The following APOBEC2 variants were observed in gnomAD, a reference collection of about 807,000 sequenced individuals.
APOBEC2 encodes the protein C->U-editing enzyme APOBEC-2.
A neutral mutation model predicts 19.4 loss-of-function variants in APOBEC2; 14 were observed. The ratio of observed to expected loss-of-function variants is 0.72; its 90% confidence interval spans 0.48 to 1.13. The LOEUF is 1.13. Ranked by LOEUF, APOBEC2 falls within the 50% of genes most tolerant of loss-of-function variation. APOBEC2 has a pLI of 0.00. For missense variants in APOBEC2, 304 were observed against 277.0 expected, an observed-to-expected ratio of 1.10 and a Z score of -0.69; for synonymous variants, 127 against 112.1, an observed-to-expected ratio of 1.13 and a Z score of -0.84.
intron 2 of APOBEC2, among the ~76,000 whole-genome samples, chr6:41,062,893 G>A (rs1674624234): frequency 1.3e-5 from 2 of 152,120 alleles, no homozygotes; most frequent in South Asian, 4.2e-4. Flanking sequence ...CCCTTTGCAA[G>A]GCCCCAGTTA....
intron 2 of APOBEC2, among the ~76,000 whole-genome samples, chr6:41,063,382 AT>A (rs1762903929): frequency 6.6e-6 from 1 of 152,164 alleles, no homozygotes; most frequent in Non-Finnish European, 1.5e-5. Flanking sequence ...TTCCTTGAAG[AT>A]TTTGTTAGTG....
At chr6:41,055,899 T>A (rs984910368) in intron 1 of APOBEC2, among the ~76,000 whole-genome samples, 2 of 152,152 alleles carry the variant, frequency 1.3e-5, no homozygotes, top group Non-Finnish European at 2.9e-5. Context: ...TGGGAGTACT[T>A]ACCTTATGGA....
intron 2 of APOBEC2, among the ~76,000 whole-genome samples, chr6:41,062,511 C>T (rs931651424): frequency 1.3e-5 from 2 of 152,144 alleles, no homozygotes; most frequent in Non-Finnish European, 2.9e-5. Context: ...AAATACAATA[C>T]GGGAACATTT....
In APOBEC2 at chr6:41,061,820, T is replaced by C. The variant is rs1410176247; in HGVS notation, c.624T>C (p.Ile208=). Residue 208 remains isoleucine (I), a synonymous_variant, in exon 2 of 3, where the codon ATT becomes ATC. Coordinates refer to ENST00000244669, the MANE Select transcript of APOBEC2 (RefSeq NM_006789.4). ...ESKAFQPWED[I]QENFLYYEEK... is the part of the protein sequence containing the mutation. ...AGGCCTTTCAGCCCTGGGAGGACAT[T>C]CAGGAGAACTTCCTATACTACGAGG... The C allele has an allele frequency of 1.2e-6, 2 of 1,614,200 alleles. No individual in the cohort carries two copies. Among genetic ancestry groups the C allele is most frequent in the East Asian group, 4.5e-5 (2 of 44,878 alleles).
At chr6:41,063,684 G>C (rs1206869216) in intron 2 of APOBEC2, among the ~76,000 whole-genome samples, 1 of 146,652 alleles carries the variant, frequency 6.8e-6, no homozygotes, top group East Asian at 2.0e-4. Context: ...AAACTGGCAT[G>C]AGATAAGAGT....
intron 1 of APOBEC2, among the ~76,000 whole-genome samples, chr6:41,060,403 T>G (rs1762856192): frequency 6.6e-6 from 1 of 152,218 alleles, no homozygotes; most frequent in South Asian, 2.1e-4. Flanking sequence ...GCCTCCCGAA[T>G]CAAGGCCAAA....
At chr6:41,056,924 G>C (rs1762804274) in intron 1 of APOBEC2, among the ~76,000 whole-genome samples, 1 of 152,084 alleles carries the variant, frequency 6.6e-6, no homozygotes, top group Non-Finnish European at 1.5e-5. Flanking sequence ...CCTGCTTCTG[G>C]ACACAGCACG....
At chr6:41,056,915 C>T (rs996400083) in intron 1 of APOBEC2, among the ~76,000 whole-genome samples, 3 of 152,130 alleles carry the variant, frequency 2.0e-5, no homozygotes, top group African/African-American at 7.2e-5. Context: ...TGGCTCATGC[C>T]TGCTTCTGGA....
At chr6:41,062,108 T>A (rs1762885243) in intron 2 of APOBEC2, among the ~76,000 whole-genome samples, 1 of 152,220 alleles carries the variant, frequency 6.6e-6, no homozygotes, top group Admixed American at 6.5e-5. Flanking sequence ...AAAGTAACTT[T>A]CCCCTAACTT....
chr6:41,059,174 T>G (rs1472867965), intron 1 of APOBEC2, among the ~76,000 whole-genome samples: 1 of 152,236 alleles, frequency 6.6e-6, no homozygotes, highest in Non-Finnish European at 1.5e-5. Flanking sequence ...TACTTTCAGC[T>G]GAGCTATAGG....
chr6:41,062,261 T>C (rs571347362), intron 2 of APOBEC2, among the ~76,000 whole-genome samples: 29 of 152,254 alleles, frequency 1.9e-4, no homozygotes, highest in Non-Finnish European at 3.8e-4. Flanking sequence ...CCTGTGTACA[T>C]GTCAGGGATT....
At chr6:41,062,292 AGATGCC>A (rs1762887293) in intron 2 of APOBEC2, among the ~76,000 whole-genome samples, 1 of 152,240 alleles carries the variant, frequency 6.6e-6, no homozygotes, top group Non-Finnish European at 1.5e-5. Flanking sequence ...GACATCTTCT[AGATGCC>A]TCACTCCCAT....
chr6:41,055,893 A>T (rs1256806452), intron 1 of APOBEC2, among the ~76,000 whole-genome samples: 1 of 152,158 alleles, frequency 6.6e-6, no homozygotes, highest in African/African-American at 2.4e-5. Context: ...CTGTAATGGG[A>T]GTACTTACCT....
At chr6:41,062,265 A>C (rs1344264286) in intron 2 of APOBEC2, among the ~76,000 whole-genome samples, 2 of 152,246 alleles carry the variant, frequency 1.3e-5, no homozygotes. Flanking sequence ...TGTACATGTC[A>C]GGGATTACTA....
intron 1 of APOBEC2, among the ~76,000 whole-genome samples, chr6:41,058,601 G>C (rs967400456): frequency 6.6e-6 from 1 of 152,166 alleles, no homozygotes; most frequent in Admixed American, 6.5e-5. Context: ...GGGCATAATA[G>C]TGTTAATTTA....
chr6:41,056,559 T>C (rs1762798041), intron 1 of APOBEC2, among the ~76,000 whole-genome samples: 1 of 152,236 alleles, frequency 6.6e-6, no homozygotes, highest in South Asian at 2.1e-4. Context: ...CCCAGGACTG[T>C]CTGACTCCAA....
At chr6:41,059,082 G>A (rs1485671892) in intron 1 of APOBEC2, among the ~76,000 whole-genome samples, 1 of 152,142 alleles carries the variant, frequency 6.6e-6, no homozygotes, top group African/African-American at 2.4e-5. Flanking sequence ...CTTAAGAAGG[G>A]CAGAAAGAAA....
chr6:41,057,012 C>G (rs775997903), intron 1 of APOBEC2, among the ~76,000 whole-genome samples: 2 of 152,164 alleles, frequency 1.3e-5, no homozygotes, highest in Non-Finnish European at 2.9e-5. Flanking sequence ...TGTGGCTCTG[C>G]CTGGCAGCAC....
In APOBEC2 at chr6:41,061,392, A is replaced by G; in HGVS notation, c.196A>G (p.Asn66Asp). The G allele has an allele frequency of 1.3e-6, 2 of 1,593,070 alleles. No homozygotes were observed. ...FRNVEYSSGRNKTFLCYVVEA... is the reference protein window; with the variant it reads ...FRNVEYSSGRDKTFLCYVVEA... ...GAATGTGGAGTACAGTTCCGGGAGG[A>G]ACAAGACCTTCCTCTGCTATGTGGT... The change falls in exon 2 of 3, where the codon AAC (asparagine) becomes GAC (aspartate). Residue 66 changes from asparagine to aspartate, a missense_variant. Asn to Asp is a conservative substitution (Grantham distance 23). Transcript: ENST00000244669.
Sources: allele counts gnomAD v4.1 joint callset (sites outside exome capture counted in the v4.1 genomes callset), GRCh38; gene constraint gnomAD v4.1.1; transcripts MANE v1.5; gene names NCBI Gene and HGNC (gene_info 2026-07-23, HGNC 2026-07-21).